The following CDH8 variants were observed in gnomAD, a reference collection of about 807,000 sequenced individuals.
CDH8 encodes cadherin 8.
A neutral mutation model predicts 68.1 loss-of-function variants in CDH8; 17 were observed. That is an observed-to-expected ratio of 0.25 (90% confidence interval 0.17 to 0.37). CDH8 has a LOEUF of 0.37. Among genes scored for constraint, CDH8 ranks in the 10% least tolerant of loss-of-function variants. The probability of loss-of-function intolerance (pLI) is 1.00; values close to 1 mark genes in which losing one functional copy is unlikely to be tolerated. For missense variants in CDH8, 763 were observed against 999.3 expected (o/e 0.76, Z 3.19); for synonymous variants, 372 against 365.1 (o/e 1.02, Z -0.21).
chr16:61,670,375 G>A (rs1343690297), intron 10 of CDH8, among the ~76,000 whole-genome samples: 1 of 151,902 alleles, frequency 6.6e-6, no homozygotes, highest in Admixed American at 6.6e-5. Context: ...TACATAATAG[G>A]CATAAATGAA....
intron 2 of CDH8, among the ~76,000 whole-genome samples, chr16:62,019,150 T>G (rs543805918): frequency 3.3e-5 from 5 of 152,238 alleles, no homozygotes; most frequent in Non-Finnish European, 7.3e-5. Context: ...GAATTTCATA[T>G]GGTATAAGAA....
At chr16:61,983,598 C>T (rs570213792) in intron 2 of CDH8, among the ~76,000 whole-genome samples, 1 of 152,312 alleles carries the variant, frequency 6.6e-6, no homozygotes, top group Non-Finnish European at 1.5e-5. Context: ...GGCATCATCA[C>T]TTAACATTGT....
In CDH8 at chr16:61,649,466, T is replaced by C. The variant is rs964538690; in HGVS notation, c.*4142A>G. 9.2e-5 allele frequency: 14 copies of C among 151,492 alleles called. No homozygotes were observed. Among genetic ancestry groups the C allele is most frequent in the African/African-American group, 3.4e-4 (14 of 41,310 alleles). 9.4% of individuals were successfully genotyped at this position (151,492 alleles called of 1,614,324 possible). A position where few individuals can be genotyped will look rare whatever the true frequency, so the allele number is the denominator to read the frequency against. ...AATATATGTATAAGGATATATATAT[T>C]CTTTTTAATGTTGATATTCATGTTT... is the stretch of plus-strand genomic sequence containing the variant. On this transcript the variant is annotated 3_prime_UTR_variant, in exon 12 of 12. Coordinates refer to ENST00000577390, the MANE Select transcript of CDH8 (RefSeq NM_001796.5).
intron 7 of CDH8, among the ~76,000 whole-genome samples, chr16:61,808,978 G>A (rs1961871809): frequency 6.6e-6 from 1 of 152,170 alleles, no homozygotes; most frequent in Non-Finnish European, 1.5e-5. Flanking sequence ...CTGAGGTCAG[G>A]AGTTCAAGAC....
chr16:61,706,789 A>G (rs746514650), intron 10 of CDH8, among the ~76,000 whole-genome samples: 1 of 152,188 alleles, frequency 6.6e-6, no homozygotes, highest in East Asian at 1.9e-4. Context: ...ATGAAGTTCT[A>G]TATTTAGCAT....
intron 4 of CDH8, among the ~76,000 whole-genome samples, chr16:61,844,954 C>T (rs977112970): frequency 6.6e-6 from 1 of 152,068 alleles, no homozygotes; most frequent in Non-Finnish European, 1.5e-5. Context: ...GATAGCAAGT[C>T]AGATTTAAAC....
At chr16:61,709,744 A>T (rs1964595890) in intron 10 of CDH8, among the ~76,000 whole-genome samples, 1 of 151,308 alleles carries the variant, frequency 6.6e-6, no homozygotes, top group Admixed American at 6.6e-5. Flanking sequence ...AAAAAAAAAA[A>T]GTCATCATAT....
At chr16:61,794,533 G>A (rs895964051) in intron 7 of CDH8, among the ~76,000 whole-genome samples, 8 of 152,000 alleles carry the variant, frequency 5.3e-5, no homozygotes, top group African/African-American at 1.7e-4. Context: ...GGAAAAGACT[G>A]TAAGATTTCT....
Position 61,713,868 on chromosome 16 carries a change from G to A in CDH8, c.1627C>T (p.Pro543Ser), listed in dbSNP as rs202098041. 22 of 1,593,414 alleles carry A rather than the reference G, an allele frequency of 1.4e-5. No individual in the cohort carries two copies. The Admixed American group carries it at 3.2e-4, about 23-fold the overall frequency. ...YSLLPEMVNN[P>S]NFTIKKNEDN... ...TCATTTTTCTTGATGGTGAAATTCG[G>A]ATTGTTGACCATTTCTGGAAGGAGA... is the stretch of plus-strand genomic sequence containing the variant. Residue 543 changes from proline (P) to serine (S), a missense_variant, in exon 10 of 12, where the codon CCG becomes TCG. By Grantham distance (74) the Pro-to-Ser change is moderately conservative. Transcript: ENST00000577390.
intron 2 of CDH8, among the ~76,000 whole-genome samples, chr16:62,004,551 T>A (rs905214259): frequency 7.2e-5 from 11 of 152,122 alleles, no homozygotes; most frequent in Admixed American, 3.9e-4. Flanking sequence ...CAAAAAAAGG[T>A]AGAAGCTGTG....
In CDH8 at chr16:61,650,683, G is replaced by A. The variant is rs1252286601; in HGVS notation, c.*2925C>T. The A allele has an allele frequency of 8.0e-6, 1 of 124,572 alleles. No individual in the cohort carries two copies. Among genetic ancestry groups the A allele is most frequent in the African/African-American group, 3.6e-5 (1 of 27,718 alleles). 7.7% of individuals were successfully genotyped at this position (124,572 alleles called of 1,614,324 possible). A position where few individuals can be genotyped will look rare whatever the true frequency, so the allele number is the denominator to read the frequency against. On this transcript the variant is annotated 3_prime_UTR_variant, in exon 12 of 12. Coordinates refer to ENST00000577390, the MANE Select transcript of CDH8 (RefSeq NM_001796.5). ...TTTTATTTGTTTGTTGTGTGTGTGT[G>A]TGTGTGTGTGTGTGTGTGTGTGTGA...
intron 2 of CDH8, among the ~76,000 whole-genome samples, chr16:61,905,595 C>T (rs1468734762): frequency 6.6e-6 from 1 of 152,022 alleles, no homozygotes; most frequent in Non-Finnish European, 1.5e-5. Context: ...ACGGAACTTT[C>T]CCAGAGAGTT....
At chr16:61,910,614 C>T (rs931129390) in intron 2 of CDH8, among the ~76,000 whole-genome samples, 1 of 152,002 alleles carries the variant, frequency 6.6e-6, no homozygotes, top group Non-Finnish European at 1.5e-5. Flanking sequence ...CAGTACTTGT[C>T]CTTTAGAGTT....
intron 3 of CDH8, among the ~76,000 whole-genome samples, chr16:61,900,480 G>A (rs1814524565): frequency 6.6e-6 from 1 of 152,068 alleles, no homozygotes; most frequent in South Asian, 2.1e-4. Context: ...TGGGTTGAGG[G>A]GTTTCTTATC....
At chr16:61,790,547 A>G (rs1212953947) in intron 7 of CDH8, among the ~76,000 whole-genome samples, 1 of 152,046 alleles carries the variant, frequency 6.6e-6, no homozygotes, top group Non-Finnish European at 1.5e-5. Context: ...GGAAGTGCAC[A>G]TGAAATCTCT....
chr16:61,929,240 T>C (rs148977606), intron 2 of CDH8, among the ~76,000 whole-genome samples: 1 of 152,280 alleles, frequency 6.6e-6, no homozygotes, highest in East Asian at 1.9e-4. Flanking sequence ...TGTAAACTCC[T>C]GTGTTATGTA....
At chr16:61,698,371 T>C (rs949830475) in intron 10 of CDH8, among the ~76,000 whole-genome samples, 5 of 152,228 alleles carry the variant, frequency 3.3e-5, no homozygotes, top group African/African-American at 1.2e-4. Flanking sequence ...CTTCGTCTTG[T>C]ATGCTTGTCT....
chr16:61,842,836 C>T (rs1027663003), intron 4 of CDH8, among the ~76,000 whole-genome samples: 7 of 152,134 alleles, frequency 4.6e-5, no homozygotes, highest in African/African-American at 1.7e-4. Context: ...CTTATTTTCG[C>T]TCTTACATAA....
chr16:61,827,574 T>C (rs970246158), intron 4 of CDH8, among the ~76,000 whole-genome samples: 1 of 151,934 alleles, frequency 6.6e-6, no homozygotes, highest in Non-Finnish European at 1.5e-5. Context: ...TAAAATAGTT[T>C]TTTTACTCAC....
Sources: allele counts gnomAD v4.1 joint callset (sites outside exome capture counted in the v4.1 genomes callset), GRCh38; gene constraint gnomAD v4.1.1; transcripts MANE v1.5; gene names NCBI Gene and HGNC (gene_info 2026-07-23, HGNC 2026-07-21).